SUN1: variants seen among roughly 807,000 people sequenced by gnomAD.
SUN1 encodes the protein SUN domain-containing protein 1.
A neutral mutation model predicts 103.2 loss-of-function variants in SUN1; 61 were observed. The observed-to-expected ratio is 0.59, with a 90% CI of 0.48 to 0.73. The LOEUF is 0.73. Among genes scored for constraint, SUN1 ranks in the 30% least tolerant of loss-of-function variants. The pLI, the probability that SUN1 is intolerant of heterozygous loss-of-function variation, is 0.00. For synonymous variants in SUN1, 490 were observed against 425.7 expected, an observed-to-expected ratio of 1.15 and a Z score of -1.86; for missense variants, 1,052 against 1,034.6, an observed-to-expected ratio of 1.02 and a Z score of -0.23.
At position 843,372 on chromosome 7, in the gene SUN1, G is replaced by A. The variant is rs771738533; in HGVS notation, c.510G>A (p.Gly170=). The change falls in exon 5 of 19, where the codon GGG becomes GGA. Residue 170 remains glycine (G), a synonymous_variant. Transcript: ENST00000401592. ...GGNKAAIQGN[G]DVGAAAATAH... ...ATAAAGCTGCCATTCAGGGAAACGG[G>A]GATGTGGGAGCCGCCGCCGCCACCG... 5 of 1,609,326 alleles carry A rather than the reference G, an allele frequency of 3.1e-6. No individual in the cohort carries two copies. The highest frequency in any genetic ancestry group is 1.3e-5 in the African/African-American group (1 of 74,786).
chr7:856,214 TC>T, intron 11 of SUN1, 143 bp from the exon 12 acceptor site: 1 of 769,126 alleles, frequency 1.3e-6, no homozygotes, highest in Non-Finnish European at 2.1e-6. Flanking sequence ...AATGAACACT[TC>T]CTACCTGCCA....
rs1584448843 is a variant in SUN1 at position 838,864 on chromosome 7, T to C, written c.144T>C (p.Ser48=). ...TEHKLDPVFD[S]PRMSRRSLRL... ...ACAAATTGGACCCTGTATTTGATTC[T>C]CCACGGATGTCCCGCCGTAGTTTGC... The change falls in exon 2 of 19, where the codon TCT becomes TCC. Residue 48 remains serine (S), a synonymous_variant. Transcript: ENST00000401592. 1 of 1,594,362 alleles carries C rather than the reference T, an allele frequency of 6.3e-7. No homozygotes were observed. Among genetic ancestry groups the C allele is most frequent in the Non-Finnish European group, 8.5e-7 (1 of 1,170,338 alleles).
intron 1 of SUN1, among the ~76,000 whole-genome samples, chr7:817,719 C>T (rs1247915546): frequency 1.3e-5 from 2 of 152,134 alleles, no homozygotes; most frequent in Admixed American, 6.6e-5. Context: ...GGAGAAACAC[C>T]GTGTGTTTTG....
chr7:874,284 G>A lies in SUN1; in HGVS notation c.*953G>A, dbSNP rs954691400. On this transcript the variant is annotated 3_prime_UTR_variant, in exon 19 of 19. Transcript: ENST00000401592. The stretch of plus-strand genomic sequence containing the variant: ...CAGCATTTCTTACTGGCTGTGGCTG[G>A]AATCTGCCTTTTATCACAGCTGTCA... 6.6e-6 allele frequency: 1 copy of A among 152,580 alleles called. No individual in the cohort carries two copies. The highest frequency in any genetic ancestry group is 2.4e-5 in the African/African-American group (1 of 41,424). The allele number at this position is 152,580 out of a possible 1,614,324, so 9.5% of individuals were successfully genotyped here.
chr7:849,657 G>A (rs778250706), intron 5 of SUN1: 36 of 1,519,856 alleles, frequency 2.4e-5, no homozygotes, highest in Admixed American at 1.5e-4. Context: ...GGTCCCACAC[G>A]CTGTCATGTT....
chr7:817,474 C>CGGCTCCCCAG (rs1047186005), intron 1 of SUN1: 6 of 1,536,040 alleles, frequency 3.9e-6, no homozygotes, highest in East Asian at 4.9e-5. Context: ...GGATTTCTCC[C>CGGCTCCCCAG]GGCTCCCCAG....
At chr7:872,210 T>A (rs1159199076) in intron 17 of SUN1, among the ~76,000 whole-genome samples, 4 of 152,156 alleles carry the variant, frequency 2.6e-5, no homozygotes, top group African/African-American at 7.2e-5. Flanking sequence ...TGTGTCCTGT[T>A]TTGGCCTCAG....
At chr7:848,619 T>C (rs539483672) in intron 5 of SUN1, 1 of 1,316,046 alleles carries the variant, frequency 7.6e-7, no homozygotes, top group East Asian at 4.9e-5. Context: ...TCAAAAGGTA[T>C]TTAAATATTT....
At position 849,837 on chromosome 7, in the gene SUN1, A is replaced by G. The variant is rs184834051; in HGVS notation, c.659-1547A>G. 389 of 1,394,704 alleles carry G rather than the reference A, an allele frequency of 2.8e-4. No individual in the cohort carries two copies. The African/African-American group carries it at 5.0e-3, about 18-fold the overall frequency. The allele number at this position is 1,394,704 out of a possible 1,614,324, so 86.4% of individuals were successfully genotyped here. On this transcript the variant is annotated intron_variant, in intron 5 of 18. Coordinates refer to ENST00000401592, the MANE Select transcript of SUN1 (RefSeq NM_001130965.3). ...TGTGTAATTGAGTTTCCCAGTTTCT[A>G]CAGACTGCCATTGCTATGCACGGCT...
rs553673136 is a variant in SUN1 at position 868,059 on chromosome 7, G to A, written c.1981-1290G>A. ...CCGTCTTCACAGCGCGGTAGAAGAC[G>A]GCTTGGGGGCTGAGGGGCAGTAAAT... On this transcript the variant is annotated intron_variant, in intron 16 of 18. Coordinates refer to ENST00000401592, the MANE Select transcript of SUN1 (RefSeq NM_001130965.3). Among the ~76,000 whole-genome samples, 12 of 152,354 alleles carry A rather than the reference G, an allele frequency of 7.9e-5. No homozygotes were observed. In the South Asian group the frequency reaches 1.0e-3, roughly 13 times the overall value.
At chr7:839,245 C>T (rs973485647) in intron 2 of SUN1, 5 of 385,170 alleles carry the variant, frequency 1.3e-5, no homozygotes, top group East Asian at 8.0e-5. Context: ...CGCTGGTGCA[C>T]GCCACGTGCA....
At chr7:832,824 G>A (rs772851826) in intron 1 of SUN1, 10 of 518,254 alleles carry the variant, frequency 1.9e-5, no homozygotes, top group Admixed American at 3.4e-5. Flanking sequence ...GTTAGTCATC[G>A]CACATGGCTT....
intron 17 of SUN1, among the ~76,000 whole-genome samples, chr7:870,954 G>A (rs528419192): frequency 2.7e-5 from 4 of 146,226 alleles, no homozygotes; most frequent in South Asian, 2.2e-4. Context: ...GCAGTGGCGC[G>A]ATTTCAGCTC....
At chr7:853,813 T>C (rs1467452572) in intron 10 of SUN1, among the ~76,000 whole-genome samples, 195 bp downstream of exon 10, 1 of 152,216 alleles carries the variant, frequency 6.6e-6, no homozygotes, top group Admixed American at 6.5e-5. Context: ...GACCAGGAGC[T>C]GTGGGTTCCA....
chr7:827,847 T>A (rs772837204), upstream of SUN1, among the ~76,000 whole-genome samples: 2 of 152,224 alleles, frequency 1.3e-5, no homozygotes, highest in Non-Finnish European at 2.9e-5. Flanking sequence ...ATAAATTATA[T>A]ACTGTAAAAG....
chr7:850,956 CTTAA>C (rs1159290418), intron 5 of SUN1, among the ~76,000 whole-genome samples: 2 of 152,102 alleles, frequency 1.3e-5, no homozygotes, highest in African/African-American at 4.8e-5. Flanking sequence ...TAGTTTTGGT[CTTAA>C]TTATTTCCTC....
At position 860,142 on chromosome 7, in the gene SUN1, C is replaced by T; in HGVS notation, c.1539C>T (p.Val513=). Residue 513 remains valine (V), a synonymous_variant, in exon 14 of 19, where the codon GTC becomes GTT. Coordinates refer to ENST00000401592, the MANE Select transcript of SUN1 (RefSeq NM_001130965.3). ...TGTTTTACTAGGTGGACGTGCAAGT[C>T]AGAGAAATGGTGAAACTCCTGTTTT... is the stretch of plus-strand genomic sequence containing the variant. The part of the protein sequence containing the change: ...DAVQERVDVQ[V]REMVKLLFSE... 6.2e-7 allele frequency: 1 copy of T among 1,614,086 alleles called. No individual in the cohort carries two copies. The highest frequency in any genetic ancestry group is 8.5e-7 in the Non-Finnish European group (1 of 1,179,968).
At chr7:870,242 T>G (rs1333426015) in intron 17 of SUN1, among the ~76,000 whole-genome samples, 1 of 149,324 alleles carries the variant, frequency 6.7e-6, no homozygotes, top group Admixed American at 6.7e-5. Context: ...GAGACAGTAG[T>G]GTTTATGAAG....
chr7:873,185 A>ATG (rs750209966), intron 18 of SUN1, 30 bp from the exon 19 acceptor site: 2 of 1,591,578 alleles, frequency 1.3e-6, no homozygotes, highest in Admixed American at 3.3e-5. Flanking sequence ...TATGAAATAC[A>ATG]TGTGTGTGTT....
Sources: allele counts gnomAD v4.1 joint callset (sites outside exome capture counted in the v4.1 genomes callset), GRCh38; gene constraint gnomAD v4.1.1; transcripts MANE v1.5; gene names NCBI Gene and HGNC (gene_info 2026-07-23, HGNC 2026-07-21).